MEIG1: variants seen among roughly 807,000 people sequenced by gnomAD.
MEIG1 encodes meiosis/spermiogenesis associated 1.
A neutral mutation model predicts 11.3 loss-of-function variants in MEIG1; 12 were observed. The ratio of observed to expected loss-of-function variants is 1.07; its 90% CI spans 0.68 to 1.73. MEIG1 has a LOEUF of 1.73. Among genes scored for constraint, MEIG1 ranks in the 40% most tolerant of loss-of-function variants. MEIG1 has a pLI of 0.00. For synonymous variants in MEIG1, 41 were observed against 33.2 expected (o/e 1.24, Z -0.81); for missense variants, 119 against 104.9 (o/e 1.13, Z -0.59).
At chr10:14,975,632 A>C (rs866414011), downstream of MEIG1, among the ~76,000 whole-genome samples, 1 of 151,952 alleles carries the variant, frequency 6.6e-6, no homozygotes, top group African/African-American at 2.4e-5. Context: ...CTTCTTAATA[A>C]CGCAGGGTGT....
chr10:14,968,455 T>C lies in MEIG1; in HGVS notation c.138+1849T>C, dbSNP rs535328462. ...GTTAGCTGAGATCACACCATTACAC[T>C]ACAGCCTGGGCAACAAAGCGAAACC... On this transcript the variant is annotated intron_variant, in intron 2 of 2. Transcript: ENST00000407572. Among the ~76,000 whole-genome samples the C allele has an allele frequency of 1.4e-3, 213 of 152,248 alleles. 1 individual carries two copies. Among genetic ancestry groups the C allele is most frequent in the Non-Finnish European group, 2.8e-3 (190 of 68,018 alleles).
At chr10:14,982,230 C>G (rs1843272981) in intron 1 of MEIG1, among the ~76,000 whole-genome samples, 1 of 152,128 alleles carries the variant, frequency 6.6e-6, no homozygotes, top group Non-Finnish European at 1.5e-5. Flanking sequence ...TTCTGAGCTC[C>G]CCTCATTAAT....
rs148259917 is a variant in MEIG1, at chr10:14,960,257, A to T, written c.-30+700A>T. On this transcript the variant is annotated intron_variant, in intron 1 of 2. Transcript: ENST00000407572. Reference sequence around the variant, plus strand: ...TCTAATAGGAGGAATAAAAGGGACTATTAGGGAGGCTAATGCTCTTGAAGT... The same window carrying T: ...TCTAATAGGAGGAATAAAAGGGACTTTTAGGGAGGCTAATGCTCTTGAAGT... 2.6e-5 allele frequency among the ~76,000 whole-genome samples: 4 copies of T among 152,320 alleles called. No individual in the cohort carries two copies. The East Asian group carries it at 7.7e-4, about 29-fold the overall frequency.
intron 1 of MEIG1, among the ~76,000 whole-genome samples, chr10:14,965,456 G>T (rs1843068946): frequency 6.6e-6 from 1 of 152,092 alleles, no homozygotes; most frequent in Non-Finnish European, 1.5e-5. Context: ...TAAATCCATG[G>T]TCTCAGTACC....
intron 1 of MEIG1, among the ~76,000 whole-genome samples, chr10:14,984,775 G>A (rs1026067791): frequency 6.6e-6 from 1 of 152,012 alleles, no homozygotes; most frequent in Non-Finnish European, 1.5e-5. Flanking sequence ...GAAATTATTC[G>A]TTATAATTTT....
upstream of MEIG1, among the ~76,000 whole-genome samples, chr10:14,955,393 C>G (rs1842919013): frequency 6.6e-6 from 1 of 152,118 alleles, no homozygotes; most frequent in Admixed American, 6.6e-5. Context: ...GATTTCTGAC[C>G]AGGGAAATCA....
At chr10:14,979,549 A>G (rs1843243852) in intron 1 of MEIG1, among the ~76,000 whole-genome samples, 1 of 151,746 alleles carries the variant, frequency 6.6e-6, no homozygotes, top group Non-Finnish European at 1.5e-5. Context: ...TGTTATTATT[A>G]CTAATATTCT....
chr10:14,985,759 G>C (rs1843312510), intron 1 of MEIG1, among the ~76,000 whole-genome samples: 1 of 151,940 alleles, frequency 6.6e-6, no homozygotes, highest in East Asian at 1.9e-4. Context: ...TGTCACAGGG[G>C]TGTACATGCT....
chr10:14,978,307 C>T (rs1242819909), intron 1 of MEIG1, among the ~76,000 whole-genome samples: 23 of 151,872 alleles, frequency 1.5e-4, no homozygotes, highest in Admixed American at 1.3e-3. Flanking sequence ...TGTATGAAAA[C>T]GTACTGTGAT....
At chr10:14,985,251 G>C (rs893604169) in intron 1 of MEIG1, among the ~76,000 whole-genome samples, 1 of 151,740 alleles carries the variant, frequency 6.6e-6, no homozygotes. Flanking sequence ...TTGCTACTAT[G>C]GTCACGGGGG....
At chr10:14,974,353 G>A (rs1427960395), downstream of MEIG1, among the ~76,000 whole-genome samples, 2 of 152,178 alleles carry the variant, frequency 1.3e-5, no homozygotes, top group African/African-American at 2.4e-5. Flanking sequence ...TGTGGGTCTG[G>A]ATAACAGTTT....
At chr10:14,971,216 G>GATAATAATAATAATA (rs55964936) in intron 2 of MEIG1, among the ~76,000 whole-genome samples, 7,527 of 143,502 alleles carry the variant, frequency 0.052, 227 homozygotes, top group South Asian at 0.069. Context: ...TAATAATAAT[G>GATAATAATAATAATA]ATAATAATAA....
intron 1 of MEIG1, among the ~76,000 whole-genome samples, chr10:14,982,916 AAC>A (rs1219252273): frequency 6.6e-6 from 1 of 152,132 alleles, no homozygotes; most frequent in Non-Finnish European, 1.5e-5. Flanking sequence ...TTCATTAGAA[AAC>A]AGTCATATTA....
chr10:14,977,771 A>T (rs530257172), downstream of MEIG1, among the ~76,000 whole-genome samples: 7 of 152,030 alleles, frequency 4.6e-5, no homozygotes, highest in African/African-American at 1.4e-4. Context: ...TCATAGGGAG[A>T]TATTCCTGCT....
At chr10:14,961,279 G>A (rs7919322) in intron 1 of MEIG1, among the ~76,000 whole-genome samples, 85,135 of 152,008 alleles carry the variant, frequency 0.56, 23,935 homozygotes, top group South Asian at 0.63. Context: ...GAATGGTTGC[G>A]TGGGTACTCG....
rs548353356 is a variant in MEIG1 at position 14,964,246 on chromosome 10, T to C, written c.-29-2194T>C. ...CATTGGTACTTGTGACTTAGCCTCC[T>C]AACAGTCTTCATTATCTTTTTTTAC... is the stretch of plus-strand genomic sequence containing the variant. On this transcript the variant is annotated intron_variant, in intron 1 of 2. Coordinates refer to ENST00000407572, the MANE Select transcript of MEIG1 (RefSeq NM_001080836.3). Among the ~76,000 whole-genome samples the C allele has an allele frequency of 2.0e-5, 3 of 152,308 alleles. No homozygotes were observed. In the East Asian group the frequency reaches 5.8e-4, roughly 29 times the overall value.
chr10:14,971,027 A>G (rs1316910982), intron 2 of MEIG1, among the ~76,000 whole-genome samples: 1 of 152,138 alleles, frequency 6.6e-6, no homozygotes, highest in Non-Finnish European at 1.5e-5. Context: ...AAGTGGAGAG[A>G]CAGATCTCCA....
chr10:14,979,488 G>A (rs749341034), intron 1 of MEIG1, among the ~76,000 whole-genome samples: 21 of 151,660 alleles, frequency 1.4e-4, no homozygotes, highest in Non-Finnish European at 2.9e-4. Flanking sequence ...GATATTATTC[G>A]TAATATCCTG....
intron 1 of MEIG1, among the ~76,000 whole-genome samples, chr10:14,981,538 G>C (rs539108806): frequency 2.6e-5 from 4 of 152,084 alleles, no homozygotes; most frequent in Admixed American, 2.0e-4. Context: ...GGGGGCGACC[G>C]GGGCGGTTAC....
Sources: gnomAD v4.1 joint callset for allele counts (sites outside exome capture counted in the v4.1 genomes callset) on GRCh38, gnomAD v4.1.1 for gene constraint, MANE v1.5 for transcripts, NCBI Gene and HGNC (gene_info 2026-07-23, HGNC 2026-07-21) for gene names.